Variants in NRG3 observed in about 807,000 individuals in gnomAD.
NRG3 encodes pro-neuregulin-3, membrane-bound isoform.
Under a neutral mutation model 66.9 loss-of-function variants are expected in NRG3, and 31 were observed. That is an observed-to-expected ratio of 0.46 (90% CI 0.35 to 0.63). NRG3 has a LOEUF of 0.63. NRG3 is among the 20% of genes least tolerant of loss of function. NRG3 has a pLI of 0.00. For missense variants in NRG3, 910 were observed against 878.9 expected (o/e 1.04, Z -0.45); for synonymous variants, 393 against 359.4 (o/e 1.09, Z -1.06).
chr10:82,979,928 A>T (rs1445763327), intron 8 of NRG3, among the ~76,000 whole-genome samples: 1 of 152,144 alleles, frequency 6.6e-6, no homozygotes, highest in Non-Finnish European at 1.5e-5. Context: ...AATAGACCAG[A>T]CGCACTGCCT....
chr10:81,879,390 C>A (rs867101470), intron 1 of NRG3, among the ~76,000 whole-genome samples: 1 of 152,134 alleles, frequency 6.6e-6, no homozygotes, highest in African/African-American at 2.4e-5. Context: ...CCTTTTACAG[C>A]GCCTTCAATT....
chr10:82,430,703 A>C (rs1338628222), intron 2 of NRG3, among the ~76,000 whole-genome samples: 3 of 152,028 alleles, frequency 2.0e-5, no homozygotes, highest in African/African-American at 7.2e-5. Context: ...TCATGGACTA[A>C]TTTTGTATAG....
chr10:82,313,947 T>A (rs1339487153), intron 1 of NRG3, among the ~76,000 whole-genome samples: 3 of 152,202 alleles, frequency 2.0e-5, no homozygotes, highest in Non-Finnish European at 4.4e-5. Flanking sequence ...TGTTTTAACC[T>A]GTCTTCTATT....
At chr10:81,943,225 GA>G (rs1333293734) in intron 1 of NRG3, among the ~76,000 whole-genome samples, 1 of 151,790 alleles carries the variant, frequency 6.6e-6, no homozygotes, top group East Asian at 1.9e-4. Context: ...CTACAAACAT[GA>G]AAAAAATAGC....
intron 1 of NRG3, among the ~76,000 whole-genome samples, chr10:82,137,785 G>A (rs2069478123): frequency 6.6e-6 from 1 of 152,128 alleles, no homozygotes; most frequent in African/African-American, 2.4e-5. Context: ...GTAGACACAG[G>A]CAGAGTCATA....
chr10:82,930,576 C>T (rs1847468552), intron 4 of NRG3, among the ~76,000 whole-genome samples: 1 of 152,126 alleles, frequency 6.6e-6, no homozygotes, highest in African/African-American at 2.4e-5. Flanking sequence ...AACACATGGT[C>T]TTAATTTCTT....
chr10:82,883,281 G>A (rs1842452551), intron 4 of NRG3, among the ~76,000 whole-genome samples: 1 of 151,906 alleles, frequency 6.6e-6, no homozygotes, highest in Admixed American at 6.6e-5. Flanking sequence ...TTATTTCTGT[G>A]AATAAATGAT....
At chr10:82,318,152 G>A (rs767683539) in intron 1 of NRG3, among the ~76,000 whole-genome samples, 2 of 152,038 alleles carry the variant, frequency 1.3e-5, no homozygotes, top group Non-Finnish European at 2.9e-5. Flanking sequence ...CACCTTAAAT[G>A]ATCTTGCAGC....
intron 4 of NRG3, among the ~76,000 whole-genome samples, chr10:82,941,856 T>C (rs953389639): frequency 3.9e-5 from 6 of 152,154 alleles, no homozygotes; most frequent in Admixed American, 1.3e-4. Context: ...TGAGGTATAG[T>C]TGGTTGATTT....
intron 1 of NRG3, among the ~76,000 whole-genome samples, chr10:82,129,721 C>T (rs1047559356): frequency 4.6e-5 from 7 of 151,922 alleles, no homozygotes; most frequent in African/African-American, 9.6e-5. Context: ...CCACCATGCC[C>T]GGCTAATTTT....
At chr10:82,674,088 T>A (rs2053497270) in intron 2 of NRG3, among the ~76,000 whole-genome samples, 1 of 152,070 alleles carries the variant, frequency 6.6e-6, no homozygotes, top group Non-Finnish European at 1.5e-5. Context: ...GAAAGAGTGC[T>A]AACCAGGAGT....
intron 3 of NRG3, among the ~76,000 whole-genome samples, chr10:82,836,898 G>A (rs992899277): frequency 1.7e-4 from 25 of 149,824 alleles, no homozygotes; most frequent in Non-Finnish European, 2.2e-4. Flanking sequence ...CCCACTCCCC[G>A]CACCCTACAA....
chr10:82,491,154 C>T (rs1342952652), intron 2 of NRG3, among the ~76,000 whole-genome samples: 3 of 151,658 alleles, frequency 2.0e-5, no homozygotes, highest in African/African-American at 2.4e-5. Context: ...CAGATATCAG[C>T]TTTAATAACT....
At chr10:82,842,343 G>A (rs1438051477) in intron 3 of NRG3, among the ~76,000 whole-genome samples, 3 of 152,150 alleles carry the variant, frequency 2.0e-5, no homozygotes, top group South Asian at 4.1e-4. Flanking sequence ...TTGGCTTACC[G>A]AATGATCAAT....
At chr10:82,047,320 G>C (rs1201330731) in intron 1 of NRG3, among the ~76,000 whole-genome samples, 1 of 152,058 alleles carries the variant, frequency 6.6e-6, no homozygotes, top group Non-Finnish European at 1.5e-5. Context: ...AAGTTGAAAT[G>C]AAGGAGAAAA....
chr10:82,437,107 C>G (rs2090181516), intron 2 of NRG3, among the ~76,000 whole-genome samples: 1 of 152,090 alleles, frequency 6.6e-6, no homozygotes, highest in Admixed American at 6.5e-5. Flanking sequence ...GGGAAGTTCT[C>G]TTGAATAATA....
At chr10:81,922,781 T>C (rs1003182704) in intron 1 of NRG3, among the ~76,000 whole-genome samples, 1 of 148,176 alleles carries the variant, frequency 6.7e-6, no homozygotes. Flanking sequence ...GGGTTTGGAA[T>C]GATTGTTCTT....
chr10:82,472,023 G>A (rs1841315287), intron 2 of NRG3, among the ~76,000 whole-genome samples: 1 of 151,864 alleles, frequency 6.6e-6, no homozygotes, highest in South Asian at 2.1e-4. Flanking sequence ...TACTTAATAT[G>A]AGTGGATGGT....
In NRG3 at chr10:82,078,414, G is replaced by A. The variant is rs537384529; in HGVS notation, c.823+202251G>A. ...CACCCAGGCTGGAGTGCAGTGGCAC[G>A]ATCTCGGCTCACTGCAAGCTCCGCC... On this transcript the variant is annotated intron_variant, in intron 1 of 8. Transcript: ENST00000372141. Among the ~76,000 whole-genome samples the A allele has an allele frequency of 3.1e-4, 47 of 152,250 alleles. No homozygotes were observed. The East Asian group carries it at 7.6e-3, about 25-fold the overall frequency.
Sources: gnomAD v4.1 joint callset for allele counts (sites outside exome capture counted in the v4.1 genomes callset) on GRCh38, gnomAD v4.1.1 for gene constraint, MANE v1.5 for transcripts, NCBI Gene and HGNC (gene_info 2026-07-23, HGNC 2026-07-21) for gene names.